The following KIF6 variants were observed in gnomAD, a reference collection of about 807,000 sequenced individuals.
The protein encoded by KIF6 is kinesin-like protein KIF6.
Under a neutral mutation model 112.7 loss-of-function variants are expected in KIF6, and 106 were observed. That is an observed-to-expected ratio of 0.94 (90% CI 0.80 to 1.11). The LOEUF (loss-of-function observed/expected upper bound fraction) is 1.11. KIF6 is among the 50% of genes least tolerant of loss of function. KIF6 has a pLI of 0.00. For synonymous variants in KIF6, 339 were observed against 339.9 expected, an observed-to-expected ratio of 1.00 and a Z score of 0.03; for missense variants, 929 against 964.0, an observed-to-expected ratio of 0.96 and a Z score of 0.48.
chr6:39,394,787 T>C (rs1488899385), intron 15 of KIF6, among the ~76,000 whole-genome samples: 4 of 152,258 alleles, frequency 2.6e-5, no homozygotes, highest in African/African-American at 9.6e-5. Flanking sequence ...CCATTTAGTA[T>C]GCTAAACATC....
rs5875669 is a variant in KIF6 at position 39,351,182 on chromosome 6, CTTTTT to C, written c.2181-4661_2181-4657del. Among the ~76,000 whole-genome samples the C allele has an allele frequency of 3.9e-3, 420 of 106,796 alleles. 1 individual carries two copies. The highest frequency in any genetic ancestry group is 5.3e-3 in the Non-Finnish European group (285 of 53,612). 70.1% of individuals were successfully genotyped at this position (106,796 alleles called of 152,430 possible). A position where few individuals can be genotyped will look rare whatever the true frequency, so the allele number is the denominator to read the frequency against. On this transcript the variant is annotated intron_variant, in intron 19 of 22. Coordinates refer to ENST00000287152, the MANE Select transcript of KIF6 (RefSeq NM_145027.6). ...CAAGGTTCTGAACACTAGGATTAAACTTTTTTTTTTTTTTTTTTTTGCAAGCACAG... is the reference window on the plus strand; with the variant it reads ...CAAGGTTCTGAACACTAGGATTAAACTTTTTTTTTTTTTTTGCAAGCACAG...
At chr6:39,539,207 TAAAGTA>T (rs977790024) in intron 13 of KIF6, among the ~76,000 whole-genome samples, 2 of 151,282 alleles carry the variant, frequency 1.3e-5, no homozygotes, top group Admixed American at 1.3e-4. Context: ...CCCGAAAACT[TAAAGTA>T]TAATAATAAT....
At chr6:39,705,711 C>G (rs998329581) in intron 3 of KIF6, among the ~76,000 whole-genome samples, 13 of 152,178 alleles carry the variant, frequency 8.5e-5, no homozygotes, top group African/African-American at 3.1e-4. Flanking sequence ...CAGGAGTGGT[C>G]AAGTACCCTG....
In KIF6 at chr6:39,680,822, C is replaced by A. The variant is rs546147689; in HGVS notation, c.251+33870G>T. Among the ~76,000 whole-genome samples the A allele has an allele frequency of 5.3e-5, 8 of 152,098 alleles. No individual in the cohort carries two copies. In the East Asian group the frequency reaches 1.2e-3, roughly 22 times the overall value. On this transcript the variant is annotated intron_variant, in intron 3 of 22. Transcript: ENST00000287152. ...CATTCCATAAACATGTATTTAAAAC[C>A]CTTTTTGTCCCATTTTATTAGGTAA...
At chr6:39,713,578 T>C (rs1164546512) in intron 3 of KIF6, among the ~76,000 whole-genome samples, 2 of 152,246 alleles carry the variant, frequency 1.3e-5, no homozygotes, top group East Asian at 3.9e-4. Flanking sequence ...TCCTGAATGA[T>C]GTTAGGAAGT....
intron 5 of KIF6, among the ~76,000 whole-genome samples, chr6:39,613,527 T>A (rs1783338609): frequency 6.6e-6 from 1 of 152,200 alleles, no homozygotes; most frequent in South Asian, 2.1e-4. Context: ...CTGAAAAATA[T>A]ATTACAAGCT....
chr6:39,518,919 C>G (rs1777218674), intron 13 of KIF6, among the ~76,000 whole-genome samples: 1 of 152,202 alleles, frequency 6.6e-6, no homozygotes, highest in Non-Finnish European at 1.5e-5. Flanking sequence ...TCCGAAAACT[C>G]AGAGTAGCCT....
chr6:39,350,547 C>T (rs374907005), intron 19 of KIF6, among the ~76,000 whole-genome samples: 2 of 152,072 alleles, frequency 1.3e-5, no homozygotes, highest in South Asian at 2.1e-4. Flanking sequence ...ACAAAGGCTA[C>T]GAGATATTAT....
At chr6:39,709,471 G>C (rs1295494882) in intron 3 of KIF6, among the ~76,000 whole-genome samples, 1 of 152,214 alleles carries the variant, frequency 6.6e-6, no homozygotes, top group Non-Finnish European at 1.5e-5. Flanking sequence ...AGCTCAGGCA[G>C]TAATGCTCCC....
intron 20 of KIF6, 143 bp downstream of exon 20, chr6:39,346,333 G>A: frequency 1.4e-6 from 1 of 701,916 alleles, no homozygotes; most frequent in Non-Finnish European, 2.6e-6. Flanking sequence ...CCTTTGGGTG[G>A]TGATTAAGTC....
intron 13 of KIF6, among the ~76,000 whole-genome samples, chr6:39,536,093 T>C (rs1319964857): frequency 6.6e-6 from 1 of 151,498 alleles, no homozygotes; most frequent in Non-Finnish European, 1.5e-5. Flanking sequence ...TAGCACTAAA[T>C]GCCCACAAGA....
chr6:39,356,950 C>T (rs1764738691), intron 19 of KIF6, among the ~76,000 whole-genome samples: 1 of 152,186 alleles, frequency 6.6e-6, no homozygotes, highest in South Asian at 2.1e-4. Context: ...ACCCCCTTCT[C>T]CCATGCTATG....
intron 13 of KIF6, among the ~76,000 whole-genome samples, chr6:39,538,487 C>G (rs989194212): frequency 6.6e-6 from 1 of 151,990 alleles, no homozygotes; most frequent in Non-Finnish European, 1.5e-5. Context: ...CACTGGCCAT[C>G]AGAGAAATGC....
At chr6:39,571,085 T>G (rs1013994296) in intron 10 of KIF6, among the ~76,000 whole-genome samples, 1 of 152,230 alleles carries the variant, frequency 6.6e-6, no homozygotes, top group African/African-American at 2.4e-5. Context: ...TATTTCTTCG[T>G]CATACACAAA....
intron 7 of KIF6, among the ~76,000 whole-genome samples, chr6:39,588,401 G>C (rs1781752171): frequency 6.6e-6 from 1 of 152,048 alleles, no homozygotes; most frequent in African/African-American, 2.4e-5. Context: ...TTTTAGTAGA[G>C]TTGGGGTTTT....
intron 15 of KIF6, among the ~76,000 whole-genome samples, chr6:39,403,764 AC>A (rs1199841742): frequency 6.6e-6 from 1 of 152,230 alleles, no homozygotes; most frequent in Non-Finnish European, 1.5e-5. Context: ...CTAGCAACAT[AC>A]AAGAGTTCCA....
intron 5 of KIF6, among the ~76,000 whole-genome samples, chr6:39,632,883 G>C (rs527886219): frequency 2.6e-5 from 4 of 152,140 alleles, no homozygotes; most frequent in African/African-American, 9.6e-5. Flanking sequence ...GCCTCCCAAA[G>C]TGCTGGGATT....
At chr6:39,503,171 C>A (rs149122541) in intron 13 of KIF6, among the ~76,000 whole-genome samples, 2,817 of 152,250 alleles carry the variant, frequency 0.019, 26 homozygotes, top group South Asian at 0.029. Context: ...CAAATTAGAA[C>A]TCAAGATTAA....
At chr6:39,503,702 A>G (rs1439149205) in intron 13 of KIF6, among the ~76,000 whole-genome samples, 2 of 152,132 alleles carry the variant, frequency 1.3e-5, no homozygotes, top group Non-Finnish European at 2.9e-5. Flanking sequence ...GAACACATCT[A>G]TGGACATAAA....
Sources: allele counts gnomAD v4.1 joint callset (sites outside exome capture counted in the v4.1 genomes callset), GRCh38; gene constraint gnomAD v4.1.1; transcripts MANE v1.5; gene names NCBI Gene and HGNC (gene_info 2026-07-23, HGNC 2026-07-21).